The following ZNF385D variants were observed in gnomAD, a reference collection of about 807,000 sequenced individuals.
The protein encoded by ZNF385D is zinc finger protein 385D.
A neutral mutation model predicts 35.8 loss-of-function variants in ZNF385D; 15 were observed. The ratio of observed to expected loss-of-function variants is 0.42; its 90% CI spans 0.28 to 0.64. The LOEUF is 0.64. Ranked by LOEUF, ZNF385D falls within the 30% of genes least tolerant of loss-of-function variation. ZNF385D has a pLI of 0.23. For synonymous variants in ZNF385D, 212 were observed against 186.8 expected (o/e 1.13, Z -1.10); for missense variants, 474 against 494.6 (o/e 0.96, Z 0.39).
chr3:21,436,524 C>G (rs1701556963), intron 5 of ZNF385D, among the ~76,000 whole-genome samples: 1 of 151,932 alleles, frequency 6.6e-6, no homozygotes, highest in Non-Finnish European at 1.5e-5. Context: ...AGATTTAGCC[C>G]AAATAACATT....
At chr3:21,707,270 G>T (rs2067940519) in intron 1 of ZNF385D, among the ~76,000 whole-genome samples, 2 of 152,098 alleles carry the variant, frequency 1.3e-5, no homozygotes, top group Admixed American at 1.3e-4. Flanking sequence ...TATTCAACAT[G>T]AAATGATATT....
chr3:22,117,411 G>A (rs1702868082), intron 3 of ZNF385D, among the ~76,000 whole-genome samples: 1 of 151,984 alleles, frequency 6.6e-6, no homozygotes, highest in Admixed American at 6.6e-5. Flanking sequence ...TATGGGGAAT[G>A]GTTACACGAC....
intron 3 of ZNF385D, among the ~76,000 whole-genome samples, chr3:21,516,938 A>G (rs1243441293): frequency 6.6e-6 from 1 of 152,102 alleles, no homozygotes; most frequent in Non-Finnish European, 1.5e-5. Flanking sequence ...AGAACATTTC[A>G]GCCAACTGAA....
chr3:22,111,849 C>T (rs1029973618), intron 3 of ZNF385D, among the ~76,000 whole-genome samples: 4 of 152,088 alleles, frequency 2.6e-5, no homozygotes, highest in African/African-American at 7.2e-5. Flanking sequence ...TTATAAAGCA[C>T]AGAGAGCTGG....
chr3:21,944,447 C>T (rs534408749), intron 3 of ZNF385D, among the ~76,000 whole-genome samples: 2 of 152,254 alleles, frequency 1.3e-5, no homozygotes, highest in South Asian at 2.1e-4. Context: ...AGAAACAATG[C>T]GAAAACTCCC....
chr3:21,529,243 G>A lies in ZNF385D; in HGVS notation c.277-18220C>T, dbSNP rs566972412. Among the ~76,000 whole-genome samples the A allele has an allele frequency of 1.4e-4, 22 of 152,184 alleles. No individual in the cohort carries two copies. In the East Asian group the frequency reaches 3.7e-3, roughly 25 times the overall value. On this transcript the variant is annotated intron_variant, in intron 3 of 7. Coordinates refer to ENST00000281523, the MANE Select transcript of ZNF385D (RefSeq NM_024697.3). ...TACCATTGCAGGAAAGCCAGGTAAC[G>A]TCTTTGTGCCACAGTGCAATCGAAT...
intron 2 of ZNF385D, among the ~76,000 whole-genome samples, chr3:22,212,870 T>G (rs1306370524): frequency 6.6e-6 from 1 of 152,008 alleles, no homozygotes; most frequent in Non-Finnish European, 1.5e-5. Context: ...ATACTTAATT[T>G]CAAGACACTA....
chr3:22,090,503 A>G (rs964511709), intron 3 of ZNF385D, among the ~76,000 whole-genome samples: 1 of 152,088 alleles, frequency 6.6e-6, no homozygotes, highest in Admixed American at 6.6e-5. Context: ...GAGCTCTTAC[A>G]GAGAAAAAAA....
intron 3 of ZNF385D, among the ~76,000 whole-genome samples, chr3:22,077,181 A>G (rs189203557): frequency 8.5e-4 from 130 of 152,102 alleles, no homozygotes; most frequent in African/African-American, 2.9e-3. Flanking sequence ...ATTGATGTCT[A>G]CTTTTTGTTC....
intron 2 of ZNF385D, among the ~76,000 whole-genome samples, chr3:22,215,271 C>A (rs1697796620): frequency 6.6e-6 from 1 of 151,974 alleles, no homozygotes; most frequent in Admixed American, 6.6e-5. Context: ...CAGCAATGTT[C>A]AAGGAACAAG....
chr3:21,820,950 T>C (rs2073369207), intron 3 of ZNF385D, among the ~76,000 whole-genome samples: 2 of 151,228 alleles, frequency 1.3e-5, no homozygotes, highest in African/African-American at 4.9e-5. Flanking sequence ...CATTTAAAAA[T>C]TCTAGAAAAA....
intron 2 of ZNF385D, among the ~76,000 whole-genome samples, chr3:21,643,921 G>A (rs190089031): frequency 3.6e-4 from 55 of 152,190 alleles, no homozygotes; most frequent in African/African-American, 1.3e-3. Context: ...TTATGTGGCT[G>A]GACAACCAAG....
At position 21,970,738 on chromosome 3, in the gene ZNF385D, C is replaced by T. The variant is rs558414467; in HGVS notation, c.325+198079G>A. Reference sequence around the variant, plus strand: ...TTTATAGAACACCAAGAAGATTTAACCCAAGGAAGACTGCCTGAAGGCATT... The same window carrying T: ...TTTATAGAACACCAAGAAGATTTAATCCAAGGAAGACTGCCTGAAGGCATT... On this transcript the variant is annotated intron_variant, in intron 3 of 5. Coordinates refer to the ZNF385D transcript ENST00000494108. 3.9e-5 allele frequency among the ~76,000 whole-genome samples: 6 copies of T among 151,976 alleles called. No homozygotes were observed. In the East Asian group the frequency reaches 9.7e-4, roughly 24 times the overall value.
intron 2 of ZNF385D, among the ~76,000 whole-genome samples, chr3:22,287,586 G>C (rs561536284): frequency 4.0e-5 from 6 of 151,840 alleles, no homozygotes; most frequent in African/African-American, 1.2e-4. Flanking sequence ...ATTTATAACA[G>C]GCTATTTTAA....
chr3:21,939,884 C>T (rs641517), intron 3 of ZNF385D, among the ~76,000 whole-genome samples: 28,947 of 152,054 alleles, frequency 0.19, 3,477 homozygotes, highest in East Asian at 0.4. Flanking sequence ...TCAGATGGCA[C>T]TGAGTAAACT....
At chr3:21,822,674 G>T (rs368301575) in intron 3 of ZNF385D, among the ~76,000 whole-genome samples, 1 of 152,274 alleles carries the variant, frequency 6.6e-6, no homozygotes, top group South Asian at 2.1e-4. Flanking sequence ...ACCCTGGAAA[G>T]AAGCCAAATG....
At chr3:22,320,654 T>A (rs1415518887) in intron 2 of ZNF385D, among the ~76,000 whole-genome samples, 1 of 150,494 alleles carries the variant, frequency 6.6e-6, no homozygotes, top group South Asian at 2.1e-4. Context: ...ACCAGAATTC[T>A]ATCACAATAT....
chr3:22,015,404 A>T (rs1696822039), intron 3 of ZNF385D, among the ~76,000 whole-genome samples: 1 of 152,168 alleles, frequency 6.6e-6, no homozygotes, highest in Non-Finnish European at 1.5e-5. Flanking sequence ...CTTGAAAGAA[A>T]ATATCTACGC....
intron 3 of ZNF385D, among the ~76,000 whole-genome samples, chr3:21,895,405 G>A (rs1699082755): frequency 7.3e-6 from 1 of 137,520 alleles, no homozygotes; most frequent in Admixed American, 8.3e-5. Flanking sequence ...TTGGCTCACT[G>A]CAACGTCTGC....
Sources: allele counts gnomAD v4.1 joint callset (sites outside exome capture counted in the v4.1 genomes callset), GRCh38; gene constraint gnomAD v4.1.1; transcripts MANE v1.5; gene names NCBI Gene and HGNC (gene_info 2026-07-23, HGNC 2026-07-21).